PKHD1: variants seen among roughly 807,000 people sequenced by gnomAD.
PKHD1 encodes PKHD1 ciliary IPT domain containing fibrocystin/polyductin.
In PKHD1, 291 loss-of-function variants were observed where a neutral mutation model predicts 412.0. That is an observed-to-expected ratio of 0.71 (90% confidence interval 0.64 to 0.78). The LOEUF (loss-of-function observed/expected upper bound fraction) is 0.78, where lower values mean the gene tolerates loss of function less well. PKHD1 is among the 30% of genes least tolerant of loss of function. The probability of loss-of-function intolerance (pLI) is 0.00; values close to 1 mark genes in which losing one functional copy is unlikely to be tolerated. For missense variants in PKHD1, 4,825 were observed against 4,950.7 expected (o/e 0.97, Z 0.76); for synonymous variants, 1,777 against 1,821.5 (o/e 0.98, Z 0.62).
At chr6:51,951,206 C>T (rs1259743361) in intron 36 of PKHD1, among the ~76,000 whole-genome samples, 2 of 152,122 alleles carry the variant, frequency 1.3e-5, no homozygotes, top group Non-Finnish European at 2.9e-5. Flanking sequence ...TCTAGAAAAC[C>T]ATGACTTATT....
intron 36 of PKHD1, among the ~76,000 whole-genome samples, chr6:51,948,666 C>T (rs112290542): frequency 2.4e-4 from 36 of 152,036 alleles, no homozygotes; most frequent in African/African-American, 6.3e-4. Context: ...TGTTGAATAA[C>T]GAGGAGTTGA....
chr6:51,844,581 T>C (rs1770830735), intron 50 of PKHD1, among the ~76,000 whole-genome samples: 1 of 152,154 alleles, frequency 6.6e-6, no homozygotes, highest in African/African-American at 2.4e-5. Flanking sequence ...ATGCCTGGGT[T>C]CAGGTTTTTT....
At chr6:51,884,338 A>G (rs1381386543) in intron 45 of PKHD1, among the ~76,000 whole-genome samples, 1 of 152,122 alleles carries the variant, frequency 6.6e-6, no homozygotes, top group Non-Finnish European at 1.5e-5. Flanking sequence ...TTATAGATAT[A>G]TGGGTTTATC....
intron 65 of PKHD1, 120 bp from the exon 66 acceptor site, chr6:51,627,236 GCATATAA>G (rs1261841448): frequency 1.2e-5 from 11 of 895,942 alleles, no homozygotes; most frequent in Non-Finnish European, 2.0e-5. Context: ...GCAACAGAAA[GCATATAA>G]CATATTCAGA....
At chr6:51,798,907 T>G (rs1010679832) in intron 52 of PKHD1, among the ~76,000 whole-genome samples, 1 of 152,180 alleles carries the variant, frequency 6.6e-6, no homozygotes, top group Non-Finnish European at 1.5e-5. Context: ...AAAAGTATGA[T>G]AGTAGGTGCT....
At position 51,902,269 on chromosome 6, in the gene PKHD1, G is replaced by T. The variant is rs760222660; in HGVS notation, c.6996+1328C>A. On this transcript the variant is annotated intron_variant, in intron 43 of 66. Coordinates refer to ENST00000371117, the MANE Select transcript of PKHD1 (RefSeq NM_138694.4). ...CTTTTATTTACGCAGCTTCTTGTAAGTCTGAAATTATTTTAAAATTAAAAG... is the reference window on the plus strand; with the variant it reads ...CTTTTATTTACGCAGCTTCTTGTAATTCTGAAATTATTTTAAAATTAAAAG... Among the ~76,000 whole-genome samples the T allele has an allele frequency of 1.7e-4, 26 of 152,134 alleles. 1 individual carries two copies. Among genetic ancestry groups the T allele is most frequent in the Non-Finnish European group, 2.6e-4 (18 of 68,022 alleles).
intron 46 of PKHD1, among the ~76,000 whole-genome samples, chr6:51,874,284 T>C (rs1776487748): frequency 1.3e-5 from 2 of 152,198 alleles, no homozygotes; most frequent in African/African-American, 4.8e-5. Context: ...ATTAGACATT[T>C]TTTTTAGTGT....
chr6:51,680,875 G>A (rs930887587), intron 60 of PKHD1, among the ~76,000 whole-genome samples: 8 of 151,936 alleles, frequency 5.3e-5, no homozygotes, highest in Admixed American at 3.9e-4. Context: ...ACTTGAAAGG[G>A]TGTTAACTGA....
chr6:51,686,290 T>C (rs1172903495), intron 60 of PKHD1, among the ~76,000 whole-genome samples: 1 of 152,182 alleles, frequency 6.6e-6, no homozygotes, highest in Non-Finnish European at 1.5e-5. Flanking sequence ...GCTGGACTTC[T>C]TTCCAAAGAA....
chr6:51,830,685 C>T (rs1184629707), intron 52 of PKHD1, among the ~76,000 whole-genome samples, 176 bp downstream of exon 52: 1 of 152,148 alleles, frequency 6.6e-6, no homozygotes, highest in Non-Finnish European at 1.5e-5. Context: ...GGGGATTTCA[C>T]TGGTCTATGA....
intron 60 of PKHD1, among the ~76,000 whole-genome samples, chr6:51,734,551 G>A (rs1783606158): frequency 6.6e-6 from 1 of 152,136 alleles, no homozygotes; most frequent in African/African-American, 2.4e-5. Flanking sequence ...AAGCAGACTT[G>A]TAAAATGATG....
At position 51,904,019 on chromosome 6, in the gene PKHD1, T is replaced by C. The variant is rs367670339; in HGVS notation, c.6832A>G (p.Ile2278Val). Residue 2278 changes from isoleucine (I) to valine (V), a missense_variant, in exon 42 of 67, where the codon ATC becomes GTC. Transcript: ENST00000371117. ...LVGTCTEMRY[I>V]SWEAIHGRKD... ...CTTCCATGAATTGCCTCCCAGGAGA[T>C]ATATCTCATCTCCGTGCATGTCCCT... The C allele has an allele frequency of 1.9e-6, 3 of 1,595,924 alleles. No homozygotes were observed. The highest frequency in any genetic ancestry group is 2.2e-5 in the East Asian group (1 of 44,752).
chr6:51,931,134 C>A (rs576289949), intron 37 of PKHD1, among the ~76,000 whole-genome samples: 1 of 152,270 alleles, frequency 6.6e-6, no homozygotes, highest in Non-Finnish European at 1.5e-5. Context: ...ATTTGATTAA[C>A]CACTTGAACC....
rs1342465223 is a variant in PKHD1, at chr6:51,632,500, T to C, written c.11665+65A>G. ...TTGGGGAAAGAAACAGAATCATTAA[T>C]ATGTTATGTATGATGACTTTTTTTT... On this transcript the variant is annotated intron_variant, in intron 65 of 66. Transcript: ENST00000371117. The C allele has an allele frequency of 4.6e-6, 6 of 1,316,706 alleles. No homozygotes were observed. The Admixed American group carries it at 5.6e-5, about 12-fold the overall frequency. 81.6% of individuals were successfully genotyped at this position (1,316,706 alleles called of 1,614,324 possible).
At chr6:51,989,880 AAAAG>A (rs2128063256) in intron 35 of PKHD1, among the ~76,000 whole-genome samples, 1 of 17,292 alleles carries the variant, frequency 5.8e-5, no homozygotes, top group Non-Finnish European at 1.1e-4. Flanking sequence ...AACAAGGGAG[AAAAG>A]GAAGGAAGGA....
intron 64 of PKHD1, among the ~76,000 whole-genome samples, chr6:51,634,688 G>T (rs1223261046): frequency 6.6e-6 from 1 of 152,166 alleles, no homozygotes; most frequent in Non-Finnish European, 1.5e-5. Flanking sequence ...TATGATTCGG[G>T]AAAGCATCCT....
intron 52 of PKHD1, among the ~76,000 whole-genome samples, chr6:51,792,172 C>A (rs1201905150): frequency 6.6e-6 from 1 of 152,134 alleles, no homozygotes; most frequent in Admixed American, 6.5e-5. Flanking sequence ...CTGAGATTTA[C>A]TATAGAGTAA....
At chr6:52,024,399 A>G (rs1298721597) in intron 32 of PKHD1, among the ~76,000 whole-genome samples, 175 bp downstream of exon 32, 2 of 152,244 alleles carry the variant, frequency 1.3e-5, no homozygotes, top group Admixed American at 6.5e-5. Flanking sequence ...AAAAATCTTC[A>G]TAAACAGAGC....
intron 34 of PKHD1, 129 bp downstream of exon 34, chr6:52,017,281 T>G (rs1477820785): frequency 1.3e-6 from 1 of 751,748 alleles, no homozygotes; most frequent in African/African-American, 1.7e-5. Context: ...GAATGGCCCC[T>G]CCAAGAGAGT....
Sources: gnomAD v4.1 joint callset for allele counts (sites outside exome capture counted in the v4.1 genomes callset) on GRCh38, gnomAD v4.1.1 for gene constraint, MANE v1.5 for transcripts, NCBI Gene and HGNC (gene_info 2026-07-23, HGNC 2026-07-21) for gene names.